The following ARIH1 variants were observed in gnomAD, a reference collection of about 807,000 sequenced individuals.
The protein encoded by ARIH1 is ariadne RBR E3 ubiquitin protein ligase 1.
ARIH1 carries 8 observed loss-of-function variants against 85.0 expected under a neutral mutation model. The ratio of observed to expected loss-of-function variants is 0.09; its 90% CI spans 0.06 to 0.17. The LOEUF is 0.17. ARIH1 is among the 10% of genes least tolerant of loss of function. The pLI is 1.00. For missense variants in ARIH1, 311 were observed against 718.1 expected, an observed-to-expected ratio of 0.43 and a Z score of 6.48; for synonymous variants, 238 against 253.6, an observed-to-expected ratio of 0.94 and a Z score of 0.59.
chr15:72,580,024 T>G (rs554096134), intron 11 of ARIH1, among the ~76,000 whole-genome samples: 2 of 152,200 alleles, frequency 1.3e-5, no homozygotes, highest in Non-Finnish European at 2.9e-5. Context: ...TCTCAAAACT[T>G]ACTCATCCAG....
rs528791241 is a variant in ARIH1 at position 72,542,481 on chromosome 15, TG to T, written c.444-2336del. ...AGTCTAGGTATTTTTCCCTATCTGA[TG>T]GGCTAAGATTTTAATCTAGGATTAT... On this transcript the variant is annotated intron_variant, in intron 2 of 13. Coordinates refer to ENST00000379887, the MANE Select transcript of ARIH1 (RefSeq NM_005744.5). Among the ~76,000 whole-genome samples the T allele has an allele frequency of 3.0e-4, 46 of 152,330 alleles. No homozygotes were observed. In the South Asian group the frequency reaches 9.3e-3, roughly 31 times the overall value.
chr15:72,580,685 GT>G (rs2064292045), intron 11 of ARIH1, 45 bp from the exon 12 acceptor site: 13 of 1,554,514 alleles, frequency 8.4e-6, no homozygotes, highest in Non-Finnish European at 1.1e-5. Context: ...TTTATGTACA[GT>G]TTATGTGTTA....
intron 2 of ARIH1, among the ~76,000 whole-genome samples, chr15:72,542,510 A>G (rs889307875): frequency 6.6e-6 from 1 of 152,214 alleles, no homozygotes. Flanking sequence ...AGGATTATTT[A>G]TATGTGGCAC....
At position 72,593,625 on chromosome 15, in the gene ARIH1, C is replaced by T. The variant is rs1039364819; in HGVS notation, c.*10333C>T. On this transcript the variant is annotated 3_prime_UTR_variant, in exon 14 of 14. Coordinates refer to ENST00000379887, the MANE Select transcript of ARIH1 (RefSeq NM_005744.5). ...TGGTAGCTTGGTTAAAAATTGATCA[C>T]GTGTGTGTGTATTTCTACATTTTCT... is the stretch of plus-strand genomic sequence containing the variant. 2.6e-5 allele frequency: 4 copies of T among 152,096 alleles called. No individual in the cohort carries two copies. Among genetic ancestry groups the T allele is most frequent in the Non-Finnish European group, 2.9e-5 (2 of 67,994 alleles). The allele number at this position is 152,096 out of a possible 1,614,324, so 9.4% of individuals were successfully genotyped here. A position where few individuals can be genotyped will look rare whatever the true frequency, so the allele number is the denominator to read the frequency against.
At position 72,590,402 on chromosome 15, in the gene ARIH1, T is replaced by G. The variant is rs2064338085; in HGVS notation, c.*7110T>G. 1 of 152,226 alleles carries G rather than the reference T, an allele frequency of 6.6e-6. No homozygotes were observed. Among genetic ancestry groups the G allele is most frequent in the Non-Finnish European group, 1.5e-5 (1 of 68,054 alleles). The allele number at this position is 152,226 out of a possible 1,614,324, so 9.4% of individuals were successfully genotyped here. ...CTCATCTCTTCAAAACAGATGCCTC[T>G]TTCGTTGGTGACCTCAGATACACTG... On this transcript the variant is annotated 3_prime_UTR_variant, in exon 14 of 14. Coordinates refer to ENST00000379887, the MANE Select transcript of ARIH1 (RefSeq NM_005744.5).
At chr15:72,526,000 G>T (rs2064026337) in intron 2 of ARIH1, among the ~76,000 whole-genome samples, 1 of 152,034 alleles carries the variant, frequency 6.6e-6, no homozygotes, top group Non-Finnish European at 1.5e-5. Flanking sequence ...TAGGTATTTA[G>T]TATCCTAGGA....
intron 1 of ARIH1, among the ~76,000 whole-genome samples, chr15:72,501,556 G>A (rs1213659990): frequency 6.6e-6 from 1 of 152,154 alleles, no homozygotes; most frequent in Non-Finnish European, 1.5e-5. Context: ...TGACCTAGTG[G>A]TTGTGTTAAA....
At chr15:72,563,057 G>C (rs2064203835) in intron 6 of ARIH1, among the ~76,000 whole-genome samples, 1 of 152,084 alleles carries the variant, frequency 6.6e-6, no homozygotes, top group Non-Finnish European at 1.5e-5. Context: ...AATTTAATTT[G>C]CTGTCTTTTT....
intron 7 of ARIH1, among the ~76,000 whole-genome samples, chr15:72,565,205 G>A (rs2064213993): frequency 1.3e-5 from 2 of 152,242 alleles, no homozygotes; most frequent in Middle Eastern, 6.8e-3. Flanking sequence ...ACAGGCGTGT[G>A]CCACCACGCC....
In ARIH1 at chr15:72,595,385, G is replaced by C. The variant is rs2064359648; in HGVS notation, c.*12093G>C. On this transcript the variant is annotated 3_prime_UTR_variant, in exon 14 of 14. Coordinates refer to ENST00000379887, the MANE Select transcript of ARIH1 (RefSeq NM_005744.5). ...TTGTAGATCTTGCCGTGTTGCCCATGATGGTCTCAAACTCCTGGCCTCAAG... is the reference window on the plus strand; with the variant it reads ...TTGTAGATCTTGCCGTGTTGCCCATCATGGTCTCAAACTCCTGGCCTCAAG... The C allele has an allele frequency of 6.6e-6, 1 of 152,368 alleles. No individual in the cohort carries two copies. The highest frequency in any genetic ancestry group is 1.5e-5 in the Non-Finnish European group (1 of 68,306). 9.4% of individuals were successfully genotyped at this position (152,368 alleles called of 1,614,324 possible).
intron 9 of ARIH1, among the ~76,000 whole-genome samples, chr15:72,569,929 ACT>A (rs754167338): frequency 2.0e-5 from 3 of 152,080 alleles, no homozygotes; most frequent in Non-Finnish European, 2.9e-5. Context: ...ATGTAGTGAG[ACT>A]CTGTTTCTAA....
chr15:72,490,193 T>C (rs553534322), intron 1 of ARIH1, among the ~76,000 whole-genome samples: 1 of 149,374 alleles, frequency 6.7e-6, no homozygotes, highest in East Asian at 2.0e-4. Context: ...TGAGACCCCA[T>C]CTCTAGCAAA....
At chr15:72,516,673 T>A (rs2063976447) in intron 1 of ARIH1, among the ~76,000 whole-genome samples, 1 of 152,188 alleles carries the variant, frequency 6.6e-6, no homozygotes, top group Admixed American at 6.5e-5. Flanking sequence ...TAAGTGAGTG[T>A]CTGTATCTTT....
chr15:72,564,380 C>T (rs2064210199), intron 7 of ARIH1, among the ~76,000 whole-genome samples: 1 of 152,146 alleles, frequency 6.6e-6, no homozygotes, highest in Non-Finnish European at 1.5e-5. Flanking sequence ...CCTTTACTGT[C>T]CATATTTCTA....
rs2064305224 is a variant in ARIH1, at chr15:72,583,954, T to G, written c.*662T>G. Reference sequence around the variant, plus strand: ...ATGGACAAAGCAAGCGTGGCACGTGTTTGCATAATGTTTAATTACAAAAAA... The same window carrying G: ...ATGGACAAAGCAAGCGTGGCACGTGGTTGCATAATGTTTAATTACAAAAAA... On this transcript the variant is annotated 3_prime_UTR_variant, in exon 14 of 14. Coordinates refer to ENST00000379887, the MANE Select transcript of ARIH1 (RefSeq NM_005744.5). 6.6e-6 allele frequency: 1 copy of G among 152,230 alleles called. No individual in the cohort carries two copies. Among genetic ancestry groups the G allele is most frequent in the Non-Finnish European group, 1.5e-5 (1 of 68,032 alleles). 9.4% of individuals were successfully genotyped at this position (152,230 alleles called of 1,614,324 possible).
At chr15:72,572,230 G>T (rs772763083) in intron 11 of ARIH1, 65 bp downstream of exon 11, 6 of 1,089,362 alleles carry the variant, frequency 5.5e-6, no homozygotes, top group South Asian at 1.4e-5. Flanking sequence ...ATATTCATTA[G>T]AGAATAATTT....
rs1408567993 is a variant in ARIH1, at chr15:72,595,820, TTTTTTTC to T, written c.*12529_*12535del. Reference sequence around the variant, plus strand: ...TTTTGTTTTTTCTGTTTTTTTTTTTTTTTTTTCATCTTTGTTTTTGTTTTTTTGAGAC... The same window carrying T: ...TTTTGTTTTTTCTGTTTTTTTTTTTTATCTTTGTTTTTGTTTTTTTGAGAC... On this transcript the variant is annotated 3_prime_UTR_variant, in exon 14 of 14. Coordinates refer to ENST00000379887, the MANE Select transcript of ARIH1 (RefSeq NM_005744.5). 6.6e-6 allele frequency: 1 copy of T among 151,276 alleles called. No individual in the cohort carries two copies. The highest frequency in any genetic ancestry group is 2.4e-5 in the African/African-American group (1 of 41,236). 9.4% of individuals were successfully genotyped at this position (151,276 alleles called of 1,614,324 possible).
chr15:72,544,391 T>C (rs576986432), intron 2 of ARIH1, among the ~76,000 whole-genome samples: 2 of 152,306 alleles, frequency 1.3e-5, no homozygotes, highest in African/African-American at 2.4e-5. Flanking sequence ...ATGTAAAATA[T>C]TACTCTTCAT....
rs2064325474 is a variant in ARIH1 at position 72,588,083 on chromosome 15, T to C, written c.*4791T>C. ...TCTATCAATACCACAACAACCTTATTACCATAGTAATTCAGGGGTCTCAAG... is the reference window on the plus strand; with the variant it reads ...TCTATCAATACCACAACAACCTTATCACCATAGTAATTCAGGGGTCTCAAG... On this transcript the variant is annotated 3_prime_UTR_variant, in exon 14 of 14. Coordinates refer to ENST00000379887, the MANE Select transcript of ARIH1 (RefSeq NM_005744.5). 1 of 152,208 alleles carries C rather than the reference T, an allele frequency of 6.6e-6. No individual in the cohort carries two copies. Among genetic ancestry groups the C allele is most frequent in the African/African-American group, 2.4e-5 (1 of 41,454 alleles). 9.4% of individuals were successfully genotyped at this position (152,208 alleles called of 1,614,324 possible).
Sources: gnomAD v4.1 joint callset for allele counts (sites outside exome capture counted in the v4.1 genomes callset) on GRCh38, gnomAD v4.1.1 for gene constraint, MANE v1.5 for transcripts, NCBI Gene and HGNC (gene_info 2026-07-23, HGNC 2026-07-21) for gene names.